Variants in RAB22A observed in about 807,000 individuals in gnomAD.
RAB22A encodes RAB22A, member RAS oncogene family, also known as ras-related protein Rab-22A.
RAB22A carries 13 observed loss-of-function variants against 30.2 expected under a neutral mutation model. That is an observed-to-expected ratio of 0.43 (90% confidence interval 0.28 to 0.68). The LOEUF is 0.68. Among genes scored for constraint, RAB22A ranks in the 30% least tolerant of loss-of-function variants. The pLI, the probability that RAB22A is intolerant of heterozygous loss-of-function variation, is 0.18. For missense variants in RAB22A, 177 were observed against 246.8 expected (o/e 0.72, Z 1.89); for synonymous variants, 89 against 87.2 (o/e 1.02, Z -0.11).
At chr20:58,323,103 A>G (rs1318380842) in intron 2 of RAB22A, among the ~76,000 whole-genome samples, 1 of 152,196 alleles carries the variant, frequency 6.6e-6, no homozygotes, top group Non-Finnish European at 1.5e-5. Context: ...ATATATGAAC[A>G]TAGATTACTC....
chr20:58,316,342 A>G (rs3787152), intron 2 of RAB22A, among the ~76,000 whole-genome samples: 2,394 of 151,862 alleles, frequency 0.016, 27 homozygotes, highest in Non-Finnish European at 0.02. Flanking sequence ...ATCCCTTTGT[A>G]TGTCCAGATC....
At chr20:58,346,045 C>T (rs960750833) in intron 3 of RAB22A, 1 of 152,324 alleles carries the variant, frequency 6.6e-6, no homozygotes, top group African/African-American at 2.4e-5. Context: ...TCCCTGGGTT[C>T]CTCCCTTGGC....
chr20:58,313,523 T>C (rs1460201310), intron 2 of RAB22A, among the ~76,000 whole-genome samples: 1 of 152,096 alleles, frequency 6.6e-6, no homozygotes, highest in Non-Finnish European at 1.5e-5. Flanking sequence ...TTCCCCAACC[T>C]ACTGCTCAGA....
At chr20:58,315,225 T>C (rs184522509) in intron 2 of RAB22A, among the ~76,000 whole-genome samples, 1 of 152,306 alleles carries the variant, frequency 6.6e-6, no homozygotes, top group Non-Finnish European at 1.5e-5. Context: ...CATACTGATT[T>C]GATAAAAGCT....
chr20:58,310,731 C>T (rs1986208106), intron 1 of RAB22A, among the ~76,000 whole-genome samples: 1 of 152,180 alleles, frequency 6.6e-6, no homozygotes, highest in South Asian at 2.1e-4. Flanking sequence ...AGAGGTAACT[C>T]AGGAGTTCAA....
rs551034846 is a variant in RAB22A, at chr20:58,340,098, G to A, written c.117-3620G>A. ...ACAGAAATGCATTGTGGGGTTGAGG[G>A]GAGAAAGGTTGGCCACTTGAGCTGT... On this transcript the variant is annotated intron_variant, in intron 2 of 6. Coordinates refer to ENST00000244040, the MANE Select transcript of RAB22A (RefSeq NM_020673.3). 4.9e-4 allele frequency among the ~76,000 whole-genome samples: 75 copies of A among 152,296 alleles called. 1 individual carries two copies. The highest frequency in any genetic ancestry group is 1.7e-3 in the African/African-American group (72 of 41,558).
intron 2 of RAB22A, among the ~76,000 whole-genome samples, chr20:58,325,831 G>T (rs1986561232): frequency 6.6e-6 from 1 of 152,122 alleles, no homozygotes; most frequent in Admixed American, 6.5e-5. Context: ...TTAGTGCTGT[G>T]TTCTCTGAAT....
At chr20:58,319,070 C>T (rs2122928211) in intron 2 of RAB22A, among the ~76,000 whole-genome samples, 1 of 152,008 alleles carries the variant, frequency 6.6e-6, no homozygotes, top group Non-Finnish European at 1.5e-5. Context: ...TGGTTTTGAA[C>T]TTTATATAAA....
intron 2 of RAB22A, among the ~76,000 whole-genome samples, chr20:58,323,140 T>C (rs1209703896): frequency 6.6e-6 from 1 of 152,210 alleles, no homozygotes; most frequent in Non-Finnish European, 1.5e-5. Context: ...ATTCTTGAGT[T>C]TCTCTCAGTG....
chr20:58,320,126 T>G (rs1029703254), intron 2 of RAB22A, among the ~76,000 whole-genome samples: 5 of 152,216 alleles, frequency 3.3e-5, no homozygotes. Flanking sequence ...TTGAGGAATG[T>G]CTTCTCTTCT....
chr20:58,343,601 G>A, intron 2 of RAB22A, 117 bp from the exon 3 acceptor site: 1 of 706,722 alleles, frequency 1.4e-6, no homozygotes, highest in Non-Finnish European at 2.4e-6. Context: ...AACACAATTA[G>A]GATACAGCGT....
intron 2 of RAB22A, among the ~76,000 whole-genome samples, chr20:58,339,368 A>G (rs928061882): frequency 2.0e-5 from 3 of 152,236 alleles, no homozygotes; most frequent in Non-Finnish European, 4.4e-5. Context: ...AAAATGTATC[A>G]TTTGAATGGC....
At chr20:58,347,723 C>T (rs1318847915) in intron 3 of RAB22A, among the ~76,000 whole-genome samples, 1 of 152,178 alleles carries the variant, frequency 6.6e-6, no homozygotes, top group Non-Finnish European at 1.5e-5. Context: ...AAGATAGAGT[C>T]TTTGTGAGAC....
At chr20:58,323,767 C>A (rs1233474922) in intron 2 of RAB22A, among the ~76,000 whole-genome samples, 1 of 151,706 alleles carries the variant, frequency 6.6e-6, no homozygotes, top group Non-Finnish European at 1.5e-5. Context: ...ACCACCATGC[C>A]CAGCAGAAGC....
In RAB22A at chr20:58,339,689, C is replaced by T. The variant is rs990886121; in HGVS notation, c.117-4029C>T. On this transcript the variant is annotated intron_variant, in intron 2 of 6. Transcript: ENST00000244040. The stretch of plus-strand genomic sequence containing the variant: ...TCTGTTCTGTGGAAGGCAGACATAA[C>T]GTTCTGTGATTGAGATCTTGGAATT... Among the ~76,000 whole-genome samples, 3 of 152,118 alleles carry T rather than the reference C, an allele frequency of 2.0e-5. No homozygotes were observed. In the South Asian group the frequency reaches 6.2e-4, roughly 32 times the overall value.
intron 2 of RAB22A, among the ~76,000 whole-genome samples, chr20:58,313,963 G>A (rs940448468): frequency 2.0e-5 from 3 of 152,066 alleles, no homozygotes; most frequent in East Asian, 1.9e-4. Flanking sequence ...TGCTGACCCC[G>A]ATCTAGACAA....
rs1183522268 is a variant in RAB22A at position 58,343,883 on chromosome 20, G to A, written c.198+84G>A. ...ACTGTCAGCATCCCTGTCATCTCAC[G>A]TTACTCACTTCTCTTCTGTGCACCG... is the stretch of plus-strand genomic sequence containing the variant. On this transcript the variant is annotated intron_variant, in intron 3 of 6. Coordinates refer to ENST00000244040, the MANE Select transcript of RAB22A (RefSeq NM_020673.3). 3.1e-5 allele frequency: 33 copies of A among 1,076,358 alleles called. No homozygotes were observed. In the Middle Eastern group the frequency reaches 1.9e-3, roughly 60 times the overall value. 66.7% of individuals were successfully genotyped at this position (1,076,358 alleles called of 1,614,324 possible).
chr20:58,310,318 A>C (rs1986199406), intron 1 of RAB22A, among the ~76,000 whole-genome samples: 1 of 151,802 alleles, frequency 6.6e-6, no homozygotes, highest in Non-Finnish European at 1.5e-5. Flanking sequence ...GTTCTTAAAT[A>C]GTTTTCTCCC....
chr20:58,317,556 CTTT>C (rs35819954), intron 2 of RAB22A, among the ~76,000 whole-genome samples: 10 of 124,924 alleles, frequency 8.0e-5, no homozygotes, highest in African/African-American at 6.0e-5. Flanking sequence ...AGTTATTATT[CTTT>C]TTTTTTTTTT....
Sources: allele counts gnomAD v4.1 joint callset (sites outside exome capture counted in the v4.1 genomes callset), GRCh38; gene constraint gnomAD v4.1.1; transcripts MANE v1.5; gene names NCBI Gene and HGNC (gene_info 2026-07-23, HGNC 2026-07-21).